Variants in PARP2 observed in about 807,000 individuals in gnomAD.
PARP2 encodes the protein poly(ADP-ribose) polymerase 2.
In PARP2, 57 loss-of-function variants were observed where a neutral mutation model predicts 77.8. The observed-to-expected ratio is 0.73, with a 90% CI of 0.59 to 0.91. PARP2 has a LOEUF of 0.91. Ranked by LOEUF, PARP2 falls within the 40% of genes least tolerant of loss-of-function variation. The probability of loss-of-function intolerance (pLI) is 0.00; values close to 1 mark genes in which losing one functional copy is unlikely to be tolerated. For synonymous variants in PARP2, 226 were observed against 242.6 expected (o/e 0.93, Z 0.64); for missense variants, 651 against 689.0 (o/e 0.94, Z 0.62).
At chr14:20,354,785 T>A (rs1230038672) in intron 8 of PARP2, 24 bp from the exon 9 acceptor site, 1 of 1,598,294 alleles carries the variant, frequency 6.3e-7, no homozygotes, top group Non-Finnish European at 8.5e-7. Context: ...TAGTTTGGAG[T>A]CTGATCTCTG....
intron 1 of PARP2, 112 bp downstream of exon 1, chr14:20,343,799 C>T (rs1420045050): frequency 1.8e-5 from 21 of 1,157,702 alleles, no homozygotes; most frequent in African/African-American, 3.0e-5. Flanking sequence ...CTGCACTTGG[C>T]TACCAAACCA....
In PARP2 at chr14:20,357,538, G is replaced by GTACTCA. The variant is rs1274889664; in HGVS notation, c.1553+18_1553+19insTACTCA. On this transcript the variant is annotated intron_variant, in intron 15 of 15. Transcript: ENST00000429687. ...GTCACCCTGTAAGTACTCAGAACCAGGAGGACTAGAAGACTCCTTTTGGCC... is the reference window on the plus strand; with the variant it reads ...GTCACCCTGTAAGTACTCAGAACCAGTACTCAGAGGACTAGAAGACTCCTTTTGGCC... 1 of 1,605,496 alleles carries GTACTCA rather than the reference G, an allele frequency of 6.2e-7. No homozygotes were observed. The highest frequency in any genetic ancestry group is 1.1e-5 in the South Asian group (1 of 90,028).
intron 4 of PARP2, among the ~76,000 whole-genome samples, chr14:20,349,512 T>C (rs1352769073): frequency 1.8e-5 from 2 of 113,080 alleles, no homozygotes; most frequent in Admixed American, 1.6e-4. Flanking sequence ...CTACTAAAAA[T>C]ACAAAAAAAA....
intron 7 of PARP2, 101 bp downstream of exon 7, chr14:20,352,448 C>A: frequency 1.5e-6 from 1 of 664,704 alleles, no homozygotes; most frequent in Non-Finnish European, 2.6e-6. Context: ...GTGGCACAAT[C>A]ATGGCTCACT....
Position 20,343,749 on chromosome 14 carries a change from C to T in PARP2, c.46+62C>T. ...GCGGGCAGTCAGAAAGGAACGATGC[C>T]ACCTACTGTGACCCCCTTCCCCTTC... On this transcript the variant is annotated intron_variant, in intron 1 of 15. Coordinates refer to ENST00000429687, the MANE Select transcript of PARP2 (RefSeq NM_001042618.2). The T allele has an allele frequency of 1.2e-5, 19 of 1,530,562 alleles. No homozygotes were observed. In the South Asian group the frequency reaches 2.0e-4, roughly 16 times the overall value. The allele number at this position is 1,530,562 out of a possible 1,614,324, so 94.8% of individuals were successfully genotyped here. A position where few individuals can be genotyped will look rare whatever the true frequency, so the allele number is the denominator to read the frequency against.
At chr14:20,353,888 A>G (rs1279718605) in intron 7 of PARP2, among the ~76,000 whole-genome samples, 197 bp from the exon 8 acceptor site, 2 of 152,258 alleles carry the variant, frequency 1.3e-5, no homozygotes, top group East Asian at 3.9e-4. Context: ...GATTCAATGA[A>G]CTGAGAATCA....
chr14:20,350,955 C>G (rs1883931932), intron 5 of PARP2, 92 bp from the exon 6 acceptor site: 1 of 963,108 alleles, frequency 1.0e-6, no homozygotes, highest in Admixed American at 2.1e-5. Flanking sequence ...TCTCCCTTTC[C>G]TGCCTGTTTG....
intron 5 of PARP2, 69 bp from the exon 6 acceptor site, chr14:20,350,978 C>A: frequency 8.5e-7 from 1 of 1,181,442 alleles, no homozygotes; most frequent in Admixed American, 1.8e-5. Flanking sequence ...AGATGTTAAG[C>A]AGAGAGATCT....
intron 1 of PARP2, among the ~76,000 whole-genome samples, chr14:20,344,681 T>G (rs1053830923): frequency 6.6e-6 from 1 of 152,092 alleles, no homozygotes; most frequent in South Asian, 2.1e-4. Context: ...GGCATGGTGG[T>G]GCACGCCTGT....
chr14:20,354,704 A>G (rs1594302586), intron 8 of PARP2, 105 bp from the exon 9 acceptor site: 1 of 637,674 alleles, frequency 1.6e-6, no homozygotes, highest in Non-Finnish European at 2.3e-6. Context: ...TAAAAACAGG[A>G]AAAAAAAAAG....
At position 20,356,640 on chromosome 14, in the gene PARP2, GC is replaced by G; in HGVS notation, c.1282del (p.His428MetfsTer39). 1 of 1,614,152 alleles carries G rather than the reference GC, an allele frequency of 6.2e-7. No homozygotes were observed. The highest frequency in any genetic ancestry group is 8.5e-7 in the Non-Finnish European group (1 of 1,179,998). ...ATGAGTAACTGGGTGGGAATCTTGAGCCATGGGCTTCGAATTGCCCCACCTG... is the reference window on the plus strand; with the variant it reads ...ATGAGTAACTGGGTGGGAATCTTGAGCATGGGCTTCGAATTGCCCCACCTG... ...SRMSNWVGILSHGLRIAPPEA... is the reference protein window; with the variant it reads ...SRMSNWVGILXHGLRIAPPEA... On this transcript the variant is annotated frameshift_variant, in exon 13 of 16. Coordinates refer to ENST00000429687, the MANE Select transcript of PARP2 (RefSeq NM_001042618.2). LOFTEE classifies it high-confidence loss of function.
intron 13 of PARP2, 50 bp from the exon 14 acceptor site, chr14:20,357,001 C>CT (rs1566425167): frequency 2.5e-6 from 3 of 1,176,538 alleles, no homozygotes; most frequent in Admixed American, 1.7e-5. Context: ...CACCTTCTCT[C>CT]TAACACAGTG....
In PARP2 at chr14:20,350,590, G is replaced by A. The variant is rs748669670; in HGVS notation, c.389G>A (p.Arg130Lys). 6.8e-6 allele frequency: 11 copies of A among 1,610,434 alleles called. 1 individual carries two copies. The highest frequency in any genetic ancestry group is 1.7e-4 in the Middle Eastern group (1 of 6,060). Reference protein sequence around the residue: ...LIQLLEDDAQRNFSVWMRWGR... With the variant: ...LIQLLEDDAQKNFSVWMRWGR... ...CAGCTATTAGAAGATGATGCCCAGA[G>A]GAACTTCAGTGTTTGGATGAGATGG... The change falls in exon 5 of 16, where the codon AGG becomes AAG. Residue 130 changes from arginine (R) to lysine (K), a missense_variant. Transcript: ENST00000429687.
At chr14:20,351,164 T>C in intron 6 of PARP2, 42 bp downstream of exon 6, 1 of 1,487,712 alleles carries the variant, frequency 6.7e-7, no homozygotes, top group East Asian at 2.3e-5. Context: ...TACCCTCCTC[T>C]TCTTAGATGT....
At chr14:20,350,957 G>T (rs1883932032) in intron 5 of PARP2, 90 bp from the exon 6 acceptor site, 2 of 976,402 alleles carry the variant, frequency 2.0e-6, no homozygotes. Flanking sequence ...TCCCTTTCCT[G>T]CCTGTTTGTC....
chr14:20,354,395 G>A, intron 8 of PARP2, 148 bp downstream of exon 8: 3 of 700,918 alleles, frequency 4.3e-6, no homozygotes, highest in Non-Finnish European at 7.1e-6. Context: ...GGAGGGAAGA[G>A]GAACTATTTT....
At position 20,356,309 on chromosome 14, in the gene PARP2, G is replaced by A. The variant is rs765699617; in HGVS notation, c.1104G>A (p.Val368=). 1.2e-6 allele frequency: 2 copies of A among 1,613,978 alleles called. No individual in the cohort carries two copies. Among genetic ancestry groups the A allele is most frequent in the Admixed American group, 3.3e-5 (2 of 59,998 alleles). The change falls in exon 12 of 16, where the codon GTG becomes GTA. Residue 368 remains valine (V), a splice_region_variant and synonymous_variant. Transcript: ENST00000429687. ...CCTTTTTGTCTTATTTTTCACAGGTGATTTCCCAGTACCTACAATCTACCC... is the reference window on the plus strand; with the variant it reads ...CCTTTTTGTCTTATTTTTCACAGGTAATTTCCCAGTACCTACAATCTACCC... The part of the protein sequence containing the change: ...PLDHESYEFK[V]ISQYLQSTHA...
At chr14:20,345,908 GAA>G (rs1416784239) in intron 3 of PARP2, among the ~76,000 whole-genome samples, 1 of 149,806 alleles carries the variant, frequency 6.7e-6, no homozygotes, top group African/African-American at 2.5e-5. Context: ...CACAGAGAGA[GAA>G]AGAGAGAATG....
intron 3 of PARP2, among the ~76,000 whole-genome samples, chr14:20,346,050 C>T (rs1004519821): frequency 6.6e-6 from 1 of 152,166 alleles, no homozygotes; most frequent in South Asian, 2.1e-4. Context: ...CACTTCCCAC[C>T]AGGCCCCACC....
Sources: allele counts gnomAD v4.1 joint callset (sites outside exome capture counted in the v4.1 genomes callset), GRCh38; gene constraint gnomAD v4.1.1; transcripts MANE v1.5; gene names NCBI Gene and HGNC (gene_info 2026-07-23, HGNC 2026-07-21).